MRC1: variants seen among roughly 807,000 people sequenced by gnomAD.
The protein encoded by MRC1 is mannose receptor C-type 1, also known as macrophage mannose receptor 1.
A neutral mutation model predicts 102.9 loss-of-function variants in MRC1; 62 were observed. That is an observed-to-expected ratio of 0.60 (90% CI 0.49 to 0.74). The LOEUF (loss-of-function observed/expected upper bound fraction) is 0.74. Among genes scored for constraint, MRC1 ranks in the 30% least tolerant of loss-of-function variants. The pLI, the probability that MRC1 is intolerant of heterozygous loss-of-function variation, is 0.00. For synonymous variants in MRC1, 457 were observed against 298.4 expected (o/e 1.53, Z -5.48); for missense variants, 1,237 against 862.8 (o/e 1.43, Z -5.43).
intron 2 of MRC1, among the ~76,000 whole-genome samples, chr10:17,826,016 A>G (rs1838469163): frequency 6.6e-6 from 1 of 152,172 alleles, no homozygotes; most frequent in Non-Finnish European, 1.5e-5. Flanking sequence ...TTTGACAAAA[A>G]AGGAATTTTG....
chr10:17,809,745 C>G (rs1838194485), intron 1 of MRC1, among the ~76,000 whole-genome samples: 1 of 152,164 alleles, frequency 6.6e-6, no homozygotes, highest in African/African-American at 2.4e-5. Flanking sequence ...TCTCAGGTCT[C>G]GGTTGCTGCC....
chr10:17,820,426 A>G (rs1258712131), intron 1 of MRC1, among the ~76,000 whole-genome samples: 1 of 152,254 alleles, frequency 6.6e-6, no homozygotes, highest in East Asian at 1.9e-4. Context: ...TGAACTGCAG[A>G]TAAAAATTAG....
intron 12 of MRC1, among the ~76,000 whole-genome samples, chr10:17,867,905 G>T (rs1169390811): frequency 6.6e-6 from 1 of 152,186 alleles, no homozygotes; most frequent in Non-Finnish European, 1.5e-5. Context: ...TGATTATAAT[G>T]ATGGGTGAGG....
At chr10:17,812,047 C>A (rs1838231550) in intron 1 of MRC1, among the ~76,000 whole-genome samples, 1 of 152,188 alleles carries the variant, frequency 6.6e-6, no homozygotes, top group African/African-American at 2.4e-5. Flanking sequence ...GGGAAGGTCT[C>A]CCTACTTGCC....
intron 26 of MRC1, among the ~76,000 whole-genome samples, chr10:17,906,376 GT>G (rs1474510435): frequency 6.7e-6 from 1 of 150,318 alleles, no homozygotes; most frequent in Non-Finnish European, 1.5e-5. Context: ...TCCTGAAGAA[GT>G]TCTATGCTTC....
chr10:17,835,042 C>T (rs980011523), intron 4 of MRC1, among the ~76,000 whole-genome samples: 1 of 152,198 alleles, frequency 6.6e-6, no homozygotes, highest in Non-Finnish European at 1.5e-5. Flanking sequence ...AAGATTGCCA[C>T]CTGCTGAACA....
chr10:17,894,817 T>C (rs1833733134), intron 23 of MRC1, among the ~76,000 whole-genome samples: 1 of 152,178 alleles, frequency 6.6e-6, no homozygotes, highest in Admixed American at 6.5e-5. Context: ...ACCTATCACC[T>C]AGCCCCACAT....
chr10:17,826,401 C>T (rs1229477288), intron 2 of MRC1, among the ~76,000 whole-genome samples: 1 of 152,136 alleles, frequency 6.6e-6, no homozygotes, highest in Non-Finnish European at 1.5e-5. Context: ...CAGGGTTTCA[C>T]CATTTTGGCC....
chr10:17,849,927 A>C (rs1838888473), intron 7 of MRC1, among the ~76,000 whole-genome samples, 163 bp downstream of exon 7: 1 of 152,182 alleles, frequency 6.6e-6, no homozygotes, highest in Non-Finnish European at 1.5e-5. Flanking sequence ...AAATGCCACA[A>C]TGTGAAAATT....
At position 17,849,626 on chromosome 10, in the gene MRC1, G is replaced by A. The variant is rs532014106; in HGVS notation, c.1111G>A (p.Gly371Ser). Reference protein sequence around the residue: ...HCPSQWWPYAGHCYKIHRDEK... With the variant: ...HCPSQWWPYASHCYKIHRDEK... Reference sequence around the variant, plus strand: ...TCCTAGTCAGTGGTGGCCGTATGCCGGTCACTGTTACAAGATTCACAGAGA... The same window carrying A: ...TCCTAGTCAGTGGTGGCCGTATGCCAGTCACTGTTACAAGATTCACAGAGA... The change falls in exon 7 of 30, where the codon GGT (glycine) becomes AGT (serine). Residue 371 changes from glycine (G) to serine (S), a missense_variant. Gly to Ser is a moderately conservative substitution (Grantham distance 56, BLOSUM62 0). Coordinates refer to ENST00000569591, the MANE Select transcript of MRC1 (RefSeq NM_002438.4). 630 of 780,804 alleles carry A rather than the reference G, an allele frequency of 8.1e-4. 8 individuals are homozygous for A. Among genetic ancestry groups the A allele is most frequent in the South Asian group, 7.4e-3 (552 of 74,606 alleles). The allele number at this position is 780,804 out of a possible 1,614,324, so 48.4% of individuals were successfully genotyped here.
At chr10:17,853,321 C>G (rs1470825088) in intron 8 of MRC1, among the ~76,000 whole-genome samples, 197 bp downstream of exon 8, 1 of 152,110 alleles carries the variant, frequency 6.6e-6, no homozygotes, top group Non-Finnish European at 1.5e-5. Flanking sequence ...TCAAGAGGAT[C>G]ACTGAAGCAA....
intron 4 of MRC1, among the ~76,000 whole-genome samples, chr10:17,837,321 T>TA (rs1242734741): frequency 2.0e-5 from 3 of 152,078 alleles, no homozygotes; most frequent in African/African-American, 7.2e-5. Flanking sequence ...TTTCTTTAAG[T>TA]AAAAAATGTC....
intron 2 of MRC1, among the ~76,000 whole-genome samples, chr10:17,824,900 C>G (rs1207101407): frequency 6.6e-6 from 1 of 152,074 alleles, no homozygotes; most frequent in Non-Finnish European, 1.5e-5. Flanking sequence ...AGTTCTCAAA[C>G]TTTAATATGC....
intron 28 of MRC1, 128 bp from the exon 29 acceptor site, chr10:17,909,178 C>T: frequency 1.5e-6 from 1 of 681,426 alleles, no homozygotes; most frequent in South Asian, 1.7e-5. Flanking sequence ...TCTATCATAT[C>T]ATAATATCAT....
At position 17,849,770 on chromosome 10, in the gene MRC1, A is replaced by G; in HGVS notation, c.1249+6A>G. ...TATCTCCCAGCTAGGATATGGTGAG[A>G]AACTTGACAGTGATAATATACTTGG... On this transcript the variant is annotated splice_donor_region_variant and intron_variant, in intron 7 of 29. Coordinates refer to ENST00000569591, the MANE Select transcript of MRC1 (RefSeq NM_002438.4). 1.3e-6 allele frequency: 1 copy of G among 780,012 alleles called. No individual in the cohort carries two copies. The highest frequency in any genetic ancestry group is 2.4e-5 in the East Asian group (1 of 41,230). The allele number at this position is 780,012 out of a possible 1,614,324, so 48.3% of individuals were successfully genotyped here.
At chr10:17,860,208 C>A (rs1268304357) in intron 9 of MRC1, among the ~76,000 whole-genome samples, 1 of 151,880 alleles carries the variant, frequency 6.6e-6, no homozygotes, top group Non-Finnish European at 1.5e-5. Context: ...GGAGTTTTCC[C>A]CCTTCTTCTT....
chr10:17,861,852 C>G (rs1833188896), intron 10 of MRC1, among the ~76,000 whole-genome samples: 2 of 151,998 alleles, frequency 1.3e-5, no homozygotes, highest in Non-Finnish European at 2.9e-5. Context: ...ATATCTTTAC[C>G]ACTCTCTCCA....
At chr10:17,832,695 C>G (rs1838595103) in intron 3 of MRC1, among the ~76,000 whole-genome samples, 1 of 151,284 alleles carries the variant, frequency 6.6e-6, no homozygotes. Context: ...TCACGCCATT[C>G]TCCTGCCTCA....
At chr10:17,891,567 C>A (rs1259729348) in intron 22 of MRC1, among the ~76,000 whole-genome samples, 1 of 152,152 alleles carries the variant, frequency 6.6e-6, no homozygotes, top group Non-Finnish European at 1.5e-5. Flanking sequence ...CCACCCCAGT[C>A]TGTGGAAAGT....
Sources: allele counts gnomAD v4.1 joint callset (sites outside exome capture counted in the v4.1 genomes callset), GRCh38; gene constraint gnomAD v4.1.1; transcripts MANE v1.5; gene names NCBI Gene and HGNC (gene_info 2026-07-23, HGNC 2026-07-21).